Variants in SLC30A8 observed in about 807,000 individuals in gnomAD.
The protein encoded by SLC30A8 is proton-coupled zinc antiporter SLC30A8.
A neutral mutation model predicts 36.9 loss-of-function variants in SLC30A8; 27 were observed. That is an observed-to-expected ratio of 0.73 (90% CI 0.54 to 1.01). The LOEUF (loss-of-function observed/expected upper bound fraction) is 1.01. SLC30A8 is among the 50% of genes least tolerant of loss of function. The pLI is 0.00. For synonymous variants in SLC30A8, 164 were observed against 172.4 expected, an observed-to-expected ratio of 0.95 and a Z score of 0.38; for missense variants, 439 against 452.0, an observed-to-expected ratio of 0.97 and a Z score of 0.26.
intron 3 of SLC30A8, among the ~76,000 whole-genome samples, 200 bp downstream of exon 3, chr8:117,153,290 T>G (rs1822288634): frequency 6.6e-6 from 1 of 152,222 alleles, no homozygotes; most frequent in Non-Finnish European, 1.5e-5. Flanking sequence ...TGGTGCTATC[T>G]CTAGTCCTCT....
chr8:117,071,867 A>G (rs947298638), intron 2 of SLC30A8, among the ~76,000 whole-genome samples: 2 of 151,482 alleles, frequency 1.3e-5, no homozygotes, highest in African/African-American at 4.9e-5. Flanking sequence ...CTGTTTGTTC[A>G]TCTCCCATTA....
intron 7 of SLC30A8, 44 bp downstream of exon 7, chr8:117,171,212 T>A (rs747341363): frequency 1.9e-6 from 3 of 1,598,370 alleles, no homozygotes; most frequent in Middle Eastern, 1.7e-4. Context: ...TCAGTCCTTG[T>A]CCTGTAAAGT....
At chr8:117,015,195 C>T (rs182605258) in intron 1 of SLC30A8, among the ~76,000 whole-genome samples, 25 of 151,896 alleles carry the variant, frequency 1.6e-4, no homozygotes, top group African/African-American at 4.3e-4. Flanking sequence ...AAAAGTTCCC[C>T]GCTATCTGAC....
chr8:117,029,691 C>G (rs1816975009), intron 1 of SLC30A8, among the ~76,000 whole-genome samples: 1 of 152,136 alleles, frequency 6.6e-6, no homozygotes. Flanking sequence ...AAGATAATTA[C>G]AAACAAGTAG....
intron 1 of SLC30A8, among the ~76,000 whole-genome samples, chr8:116,985,825 T>C (rs1420841813): frequency 2.6e-5 from 4 of 152,096 alleles, no homozygotes; most frequent in African/African-American, 9.7e-5. Context: ...GCATTCTAAA[T>C]AGATTTAAGA....
intron 1 of SLC30A8, among the ~76,000 whole-genome samples, chr8:117,015,014 A>AAT (rs34748748): frequency 0.44 from 64,852 of 147,514 alleles, 14,824 homozygotes; most frequent in African/African-American, 0.57. Context: ...ATATATTACA[A>AAT]ATATATATAT....
chr8:117,078,482 T>C (rs1276580837), intron 2 of SLC30A8, among the ~76,000 whole-genome samples: 3 of 152,184 alleles, frequency 2.0e-5, no homozygotes. Context: ...TTTTTTCTTT[T>C]TTTCCCCCAT....
chr8:117,079,098 G>A (rs754164760), intron 2 of SLC30A8, among the ~76,000 whole-genome samples: 22 of 151,280 alleles, frequency 1.5e-4, no homozygotes, highest in Non-Finnish European at 2.1e-4. Context: ...TGCAACTTTC[G>A]CCTCCCCGGT....
At position 117,166,766 on chromosome 8, in the gene SLC30A8, A is replaced by ATTTTTTTTTT. The variant is rs71305462; in HGVS notation, c.829+3247_829+3256dup. Among the ~76,000 whole-genome samples the ATTTTTTTTTT allele has an allele frequency of 3.6e-3, 467 of 128,614 alleles. 12 individuals carry two copies. Among genetic ancestry groups the ATTTTTTTTTT allele is most frequent in the African/African-American group, 0.013 (445 of 33,084 alleles). The allele number at this position is 128,614 out of a possible 152,430, so 84.4% of individuals were successfully genotyped here. A position where few individuals can be genotyped will look rare whatever the true frequency, so the allele number is the denominator to read the frequency against. On this transcript the variant is annotated intron_variant, in intron 6 of 7. Coordinates refer to ENST00000456015, the MANE Select transcript of SLC30A8 (RefSeq NM_173851.3). The stretch of plus-strand genomic sequence containing the variant: ...GATTGAAATATCCAGACATTAGCTG[A>ATTTTTTTTTT]TTTTTTTTTTTTTTTTTTTTGTCCA...
chr8:117,000,436 C>T (rs909984675), intron 1 of SLC30A8, among the ~76,000 whole-genome samples: 1 of 152,154 alleles, frequency 6.6e-6, no homozygotes, highest in Admixed American at 6.5e-5. Context: ...CTAATCCAGA[C>T]ACTATTTTGC....
At chr8:117,077,711 T>G (rs1442952183) in intron 2 of SLC30A8, among the ~76,000 whole-genome samples, 1 of 152,214 alleles carries the variant, frequency 6.6e-6, no homozygotes, top group Non-Finnish European at 1.5e-5. Flanking sequence ...CATCAAAATT[T>G]GTTGAATGCA....
chr8:116,972,863 T>C (rs1405813999), intron 1 of SLC30A8, among the ~76,000 whole-genome samples: 1 of 152,208 alleles, frequency 6.6e-6, no homozygotes, highest in Admixed American at 6.5e-5. Flanking sequence ...AAAAGCCCTC[T>C]AATTTTTAAC....
chr8:117,158,996 G>A (rs566935610), intron 4 of SLC30A8, among the ~76,000 whole-genome samples: 1 of 152,350 alleles, frequency 6.6e-6, no homozygotes, highest in Non-Finnish European at 1.5e-5. Context: ...GTCCTTATAA[G>A]AGGGAGACAG....
intron 1 of SLC30A8, among the ~76,000 whole-genome samples, chr8:116,957,798 G>C (rs1007289305): frequency 6.6e-6 from 1 of 152,142 alleles, no homozygotes; most frequent in Non-Finnish European, 1.5e-5. Context: ...CTGATTTTGG[G>C]TGATATTTAT....
At chr8:117,134,330 C>T (rs1183171038), upstream of SLC30A8, among the ~76,000 whole-genome samples, 1 of 152,026 alleles carries the variant, frequency 6.6e-6, no homozygotes, top group African/African-American at 2.4e-5. Flanking sequence ...TCTTTCTCTA[C>T]CGTTGTGTAC....
intron 1 of SLC30A8, 174 bp from the exon 2 acceptor site, chr8:117,146,780 A>C (rs752162751): frequency 2.1e-6 from 3 of 1,405,782 alleles, no homozygotes; most frequent in Non-Finnish European, 2.8e-6. Context: ...TTAGAAGGAA[A>C]TTTCTAGCTT....
Position 117,174,011 on chromosome 8 carries a change from A to AAAAG in SLC30A8, c.*1333_*1336dup, listed in dbSNP as rs1823537510. On this transcript the variant is annotated 3_prime_UTR_variant, in exon 8 of 8. Coordinates refer to ENST00000456015, the MANE Select transcript of SLC30A8 (RefSeq NM_173851.3). ...GAAGAAGAGAAGGACATTCTAGGCA[A>AAAAG]AAAGAAGACTAGGCACAAGGCACAC... 6.6e-6 allele frequency: 1 copy of AAAAG among 152,166 alleles called. No individual in the cohort carries two copies. Among genetic ancestry groups the AAAAG allele is most frequent in the Non-Finnish European group, 1.5e-5 (1 of 68,022 alleles). The allele number at this position is 152,166 out of a possible 1,614,324, so 9.4% of individuals were successfully genotyped here.
At chr8:117,046,219 GGGGCTGATGCTGGAGCTAGCA>G (rs1213576328) in intron 2 of SLC30A8, among the ~76,000 whole-genome samples, 1 of 152,166 alleles carries the variant, frequency 6.6e-6, no homozygotes, top group Non-Finnish European at 1.5e-5. Flanking sequence ...TGTTGGCTTT[GGGGCTGATGCTGGAGCTAGCA>G]GGGCTGATGC....
intron 1 of SLC30A8, among the ~76,000 whole-genome samples, chr8:117,029,466 C>A (rs746124620): frequency 3.3e-5 from 5 of 152,122 alleles, no homozygotes; most frequent in Non-Finnish European, 7.4e-5. Context: ...CAAAACAAAT[C>A]TCCAAAGAAG....
Sources: allele counts gnomAD v4.1 joint callset (sites outside exome capture counted in the v4.1 genomes callset), GRCh38; gene constraint gnomAD v4.1.1; transcripts MANE v1.5; gene names NCBI Gene and HGNC (gene_info 2026-07-23, HGNC 2026-07-21).